Variants in LRP2 observed in about 807,000 individuals in gnomAD.
LRP2 encodes the protein LDL receptor related protein 2.
LRP2 carries 172 observed loss-of-function variants against 531.0 expected under a neutral mutation model. The observed-to-expected ratio is 0.32, with a 90% confidence interval of 0.29 to 0.37. The LOEUF is 0.37. Among genes scored for constraint, LRP2 ranks in the 10% least tolerant of loss-of-function variants. The pLI is 1.00. For synonymous variants in LRP2, 1,992 were observed against 2,027.6 expected (o/e 0.98, Z 0.47); for missense variants, 5,167 against 5,868.3 (o/e 0.88, Z 3.90).
chr2:169,190,671 T>C (rs1687799107), intron 48 of LRP2, among the ~76,000 whole-genome samples: 1 of 152,222 alleles, frequency 6.6e-6, no homozygotes, highest in Admixed American at 6.5e-5. Flanking sequence ...TGCCTGTGTG[T>C]GTCCCTTAAC....
chr2:169,175,027 A>C (rs1277113092), intron 55 of LRP2, among the ~76,000 whole-genome samples, 166 bp downstream of exon 55: 1 of 151,806 alleles, frequency 6.6e-6, no homozygotes, highest in Non-Finnish European at 1.5e-5. Context: ...TCTAAAAAAA[A>C]AAAAAAAAAA....
At chr2:169,241,529 T>C (rs929279279) in intron 24 of LRP2, among the ~76,000 whole-genome samples, 164 bp from the exon 25 acceptor site, 1 of 152,174 alleles carries the variant, frequency 6.6e-6, no homozygotes, top group Non-Finnish European at 1.5e-5. Context: ...TCTCCCACAC[T>C]CTAGTACATA....
intron 9 of LRP2, among the ~76,000 whole-genome samples, chr2:169,283,204 C>A (rs994068294): frequency 6.6e-6 from 1 of 152,158 alleles, no homozygotes; most frequent in Non-Finnish European, 1.5e-5. Context: ...ATTTTTTAAA[C>A]CTACATGAAG....
intron 1 of LRP2, among the ~76,000 whole-genome samples, chr2:169,341,913 C>G (rs1357054940): frequency 6.6e-6 from 1 of 152,108 alleles, no homozygotes; most frequent in Non-Finnish European, 1.5e-5. Context: ...TCCTATCAAC[C>G]AAGATGGGCC....
At chr2:169,199,314 T>C (rs1688108376) in intron 44 of LRP2, among the ~76,000 whole-genome samples, 2 of 152,208 alleles carry the variant, frequency 1.3e-5, no homozygotes, top group Admixed American at 1.3e-4. Context: ...ATATTGTTAA[T>C]AGTAAGAAAG....
chr2:169,354,377 T>C (rs1249849659), intron 1 of LRP2, among the ~76,000 whole-genome samples: 1 of 152,242 alleles, frequency 6.6e-6, no homozygotes, highest in African/African-American at 2.4e-5. Flanking sequence ...GATCTCAAGA[T>C]CTGGACAATA....
At chr2:169,176,195 CAT>C (rs1466529296) in intron 54 of LRP2, among the ~76,000 whole-genome samples, 1 of 152,178 alleles carries the variant, frequency 6.6e-6, no homozygotes, top group East Asian at 1.9e-4. Context: ...TGAAAGTTTG[CAT>C]ATATAGGCAT....
chr2:169,129,094 A>G lies in LRP2; in HGVS notation c.13729-10T>C. On this transcript the variant is annotated splice_polypyrimidine_tract_variant and intron_variant, in intron 77 of 78. Transcript: ENST00000649046. ...GATTCCATTTTGTCACCTAAATGAA[A>G]AGGGGAAAACAAAAACCTCTCAGTA... The G allele has an allele frequency of 6.3e-7, 1 of 1,581,208 alleles. No homozygotes were observed. Among genetic ancestry groups the G allele is most frequent in the South Asian group, 1.1e-5 (1 of 90,394 alleles).
intron 1 of LRP2, among the ~76,000 whole-genome samples, chr2:169,345,699 G>GA (rs537684620): frequency 3.9e-4 from 57 of 144,780 alleles, no homozygotes; most frequent in Admixed American, 8.6e-4. Flanking sequence ...TTTACAGATA[G>GA]AAAAATGGAG....
At chr2:169,149,273 A>G (rs1167570829) in intron 68 of LRP2, among the ~76,000 whole-genome samples, 1 of 152,190 alleles carries the variant, frequency 6.6e-6, no homozygotes, top group Non-Finnish European at 1.5e-5. Context: ...TGTTGCTGGT[A>G]TTATCAGTAG....
rs1269259502 is a variant in LRP2 at position 169,292,349 on chromosome 2, A to C, written c.673T>G (p.Tyr225Asp). ...CGGCCACTGGGGCAAGTGAACTGGT[A>C]ACCACCGCAGGTCGGATAGTCTGGA... Reference protein sequence around the residue: ...HACNYPTCGGYQFTCPSGRCI... With the variant: ...HACNYPTCGGDQFTCPSGRCI... The change falls in exon 7 of 79, where the codon TAC becomes GAC. Residue 225 changes from tyrosine (Y) to aspartate (D), a missense_variant. Around this residue, in one of 6 missense-constraint regions of LRP2, gnomAD observed 2,811 missense variants for 3,058.0 expected, o/e 0.92. Coordinates refer to ENST00000649046, the MANE Select transcript of LRP2 (RefSeq NM_004525.3). 6.2e-7 allele frequency: 1 copy of C among 1,613,558 alleles called. No individual in the cohort carries two copies. The highest frequency in any genetic ancestry group is 1.7e-5 in the Admixed American group (1 of 60,020).
At chr2:169,174,700 G>A (rs1459672929) in intron 55 of LRP2, among the ~76,000 whole-genome samples, 1 of 151,776 alleles carries the variant, frequency 6.6e-6, no homozygotes, top group Non-Finnish European at 1.5e-5. Flanking sequence ...TGTAGAGACA[G>A]GCTTTTGCCA....
At chr2:169,323,187 A>G (rs943857235) in intron 1 of LRP2, among the ~76,000 whole-genome samples, 2 of 152,228 alleles carry the variant, frequency 1.3e-5, no homozygotes, top group South Asian at 2.1e-4. Flanking sequence ...TCCTCACTCC[A>G]TTATCTAATA....
chr2:169,142,586 G>A (rs1685762289), intron 71 of LRP2, 88 bp downstream of exon 71: 2 of 1,578,740 alleles, frequency 1.3e-6, no homozygotes, highest in Non-Finnish European at 1.7e-6. Context: ...CTGCTGCAAA[G>A]GACCCAGCAT....
At chr2:169,299,948 A>G (rs954688561) in intron 4 of LRP2, among the ~76,000 whole-genome samples, 6 of 152,158 alleles carry the variant, frequency 3.9e-5, no homozygotes, top group Admixed American at 2.6e-4. Flanking sequence ...GAATGTCAAT[A>G]TCCTAGAAAC....
chr2:169,289,166 T>C (rs769311203), intron 8 of LRP2, 21 bp from the exon 9 acceptor site: 12 of 1,613,732 alleles, frequency 7.4e-6, no homozygotes, highest in Admixed American at 5.0e-5. Context: ...AAAAGAACTT[T>C]GTTAAATGAA....
chr2:169,241,455 A>G, intron 24 of LRP2, 90 bp from the exon 25 acceptor site: 4 of 1,431,096 alleles, frequency 2.8e-6, no homozygotes, highest in Middle Eastern at 3.5e-4. Flanking sequence ...TTTTGGATCC[A>G]ATAGTAGGTT....
At chr2:169,244,276 T>G (rs1348611158) in intron 22 of LRP2, among the ~76,000 whole-genome samples, 1 of 152,200 alleles carries the variant, frequency 6.6e-6, no homozygotes, top group East Asian at 1.9e-4. Flanking sequence ...AAATTTAAAT[T>G]TTCTGTGCCT....
intron 3 of LRP2, among the ~76,000 whole-genome samples, chr2:169,308,519 A>G (rs1186913190): frequency 6.6e-6 from 1 of 152,156 alleles, no homozygotes; most frequent in Non-Finnish European, 1.5e-5. Context: ...GATCGTTTCC[A>G]GCTTCATCCA....
Sources: gnomAD v4.1 joint callset for allele counts (sites outside exome capture counted in the v4.1 genomes callset) on GRCh38, gnomAD v4.1.1 for gene constraint, gnomAD v4.1.1 regional missense constraint, MANE v1.5 for transcripts, NCBI Gene and HGNC (gene_info 2026-07-23, HGNC 2026-07-21) for gene names.